The following TTLL7 variants were observed in gnomAD, a reference collection of about 807,000 sequenced individuals.
The protein encoded by TTLL7 is tubulin polyglutamylase TTLL7.
Under a neutral mutation model 120.2 loss-of-function variants are expected in TTLL7, and 53 were observed. The observed-to-expected ratio is 0.44, with a 90% confidence interval of 0.35 to 0.55. The LOEUF (loss-of-function observed/expected upper bound fraction) is 0.55. TTLL7 is among the 20% of genes least tolerant of loss of function. The pLI, the probability that TTLL7 is intolerant of heterozygous loss-of-function variation, is 0.00. For synonymous variants in TTLL7, 353 were observed against 351.7 expected (o/e 1.00, Z -0.04); for missense variants, 803 against 1,054.7 (o/e 0.76, Z 3.31).
Position 83,921,262 on chromosome 1 carries a change from C to T in TTLL7, c.1275G>A (p.Arg425=), listed in dbSNP as rs778438836. The part of the protein sequence containing the change: ...DWEQQRHQLE[R]RKEELKERLA... ...ACTTTCATACCAACTCTTCTTTCCG[C>T]CTCTCCAACTGGTGTCTCTGCTGTT... is the stretch of plus-strand genomic sequence containing the variant. The change falls in exon 11 of 21, where the codon AGG becomes AGA. Residue 425 remains arginine (R), a synonymous_variant. Coordinates refer to ENST00000260505, the MANE Select transcript of TTLL7 (RefSeq NM_024686.6). The T allele has an allele frequency of 1.2e-6, 2 of 1,612,498 alleles. No individual in the cohort carries two copies. Among genetic ancestry groups the T allele is most frequent in the Admixed American group, 3.4e-5 (2 of 59,698 alleles).
intron 18 of TTLL7, among the ~76,000 whole-genome samples, chr1:83,891,240 C>T (rs994728558): frequency 6.6e-6 from 1 of 151,384 alleles, no homozygotes; most frequent in East Asian, 1.9e-4. Context: ...ACATTAGTAT[C>T]AGGAATATAT....
intron 1 of TTLL7, chr1:83,983,965 C>T (rs982648625): frequency 6.6e-6 from 1 of 152,112 alleles, no homozygotes; most frequent in African/African-American, 2.4e-5. Flanking sequence ...GTGGTGTGCA[C>T]CTTTAGTCCT....
rs1289399334 is a variant in TTLL7, at chr1:83,973,462, ATTG to A, written c.-176-21078_-176-21076del. The stretch of plus-strand genomic sequence containing the variant: ...CTTTTGCCAATACCATACTGTTTCA[ATTG>A]TTGTAGTTTTATAGTAAGTCTTAAA... On this transcript the variant is annotated intron_variant, in intron 1 of 20. Coordinates refer to ENST00000260505, the MANE Select transcript of TTLL7 (RefSeq NM_024686.6). Among the ~76,000 whole-genome samples, 3 of 152,032 alleles carry A rather than the reference ATTG, an allele frequency of 2.0e-5. No individual in the cohort carries two copies. In the East Asian group the frequency reaches 5.8e-4, roughly 29 times the overall value.
At chr1:83,927,388 A>C (rs1357803068) in intron 10 of TTLL7, among the ~76,000 whole-genome samples, 2 of 152,186 alleles carry the variant, frequency 1.3e-5, no homozygotes, top group Non-Finnish European at 2.9e-5. Flanking sequence ...CCAAGAAAGG[A>C]AAGATTCATT....
intron 10 of TTLL7, among the ~76,000 whole-genome samples, chr1:83,923,793 C>T (rs1658885001): frequency 6.6e-6 from 1 of 152,158 alleles, no homozygotes; most frequent in South Asian, 2.1e-4. Flanking sequence ...CCAAAAAGAT[C>T]ACCATTCATT....
intron 15 of TTLL7, among the ~76,000 whole-genome samples, chr1:83,910,258 C>T (rs1657564367): frequency 6.6e-6 from 1 of 152,100 alleles, no homozygotes; most frequent in South Asian, 2.1e-4. Context: ...ATATTAAATA[C>T]ATTGCTGACG....
intron 7 of TTLL7, among the ~76,000 whole-genome samples, chr1:83,940,273 AAT>A (rs2100837710): frequency 6.6e-6 from 1 of 152,264 alleles, no homozygotes; most frequent in South Asian, 2.1e-4. Context: ...TATTCTTTCC[AAT>A]ACTATAAAAA....
chr1:83,969,972 T>A (rs926311471), intron 1 of TTLL7, among the ~76,000 whole-genome samples: 3 of 152,006 alleles, frequency 2.0e-5, no homozygotes, highest in Non-Finnish European at 4.4e-5. Context: ...ATGCCTAAAT[T>A]AGGATATTAT....
At chr1:83,948,184 A>ACAC (rs1648695209) in intron 5 of TTLL7, among the ~76,000 whole-genome samples, 1 of 147,370 alleles carries the variant, frequency 6.8e-6, no homozygotes, top group Non-Finnish European at 1.5e-5. Flanking sequence ...GACACACACA[A>ACAC]ACACACACAC....
At chr1:83,911,777 CAATA>C (rs1657696153) in intron 14 of TTLL7, among the ~76,000 whole-genome samples, 1 of 151,606 alleles carries the variant, frequency 6.6e-6, no homozygotes, top group Non-Finnish European at 1.5e-5. Flanking sequence ...CAGAGTTACT[CAATA>C]AATGTGTATG....
At chr1:83,927,630 A>C (rs572447880) in intron 10 of TTLL7, among the ~76,000 whole-genome samples, 1 of 152,296 alleles carries the variant, frequency 6.6e-6, no homozygotes, top group Admixed American at 6.5e-5. Flanking sequence ...ATGTTGGTAA[A>C]CAGAATTCTA....
At chr1:83,898,485 C>T (rs887865448) in intron 18 of TTLL7, among the ~76,000 whole-genome samples, 5 of 151,992 alleles carry the variant, frequency 3.3e-5, no homozygotes, top group African/African-American at 1.2e-4. Context: ...TCCATACTGT[C>T]TCATGAGATG....
chr1:83,906,056 T>A (rs1657174487), intron 17 of TTLL7, among the ~76,000 whole-genome samples: 1 of 152,076 alleles, frequency 6.6e-6, no homozygotes, highest in South Asian at 2.1e-4. Flanking sequence ...TTAACACTAA[T>A]TATTCTGACT....
intron 18 of TTLL7, among the ~76,000 whole-genome samples, chr1:83,894,284 T>C (rs185652988): frequency 5.3e-5 from 8 of 152,246 alleles, no homozygotes; most frequent in Admixed American, 5.2e-4. Flanking sequence ...ATATGAGTTA[T>C]ATAAAAATAA....
At position 83,871,650 on chromosome 1, in the gene TTLL7, C is replaced by T. The variant is rs543362247; in HGVS notation, c.2544-1568G>A. 4.9e-4 allele frequency among the ~76,000 whole-genome samples: 74 copies of T among 152,170 alleles called. 1 individual carries two copies. The highest frequency in any genetic ancestry group is 1.7e-3 in the African/African-American group (69 of 41,518). On this transcript the variant is annotated intron_variant, in intron 20 of 20. Transcript: ENST00000260505. The stretch of plus-strand genomic sequence containing the variant: ...GTGGCTCACGCCTGTAATCCCAGCA[C>T]TTTGGGAGGCCGAGACGGGCGGATC...
intron 1 of TTLL7, among the ~76,000 whole-genome samples, chr1:83,988,506 T>C (rs894547998): frequency 6.6e-6 from 1 of 152,238 alleles, no homozygotes; most frequent in African/African-American, 2.4e-5. Flanking sequence ...TCACCAGTAG[T>C]GTATAAGCGT....
intron 20 of TTLL7, chr1:83,882,724 A>G (rs531235445): frequency 1.8e-5 from 7 of 390,516 alleles, no homozygotes; most frequent in Non-Finnish European, 3.2e-5. Context: ...TATAAGTCAA[A>G]TAACTTCATT....
intron 1 of TTLL7, among the ~76,000 whole-genome samples, chr1:83,959,420 C>A (rs1292431314): frequency 1.3e-5 from 2 of 152,238 alleles, no homozygotes; most frequent in Non-Finnish European, 2.9e-5. Context: ...CAAGTAATGA[C>A]TGGAGGAGAA....
chr1:83,997,055 A>AC (rs1653547228), intron 1 of TTLL7, among the ~76,000 whole-genome samples: 4 of 152,024 alleles, frequency 2.6e-5, no homozygotes, highest in Admixed American at 2.6e-4. Flanking sequence ...TCTTCACAAG[A>AC]CCCCACTTCT....
Sources: allele counts gnomAD v4.1 joint callset (sites outside exome capture counted in the v4.1 genomes callset), GRCh38; gene constraint gnomAD v4.1.1; transcripts MANE v1.5; gene names NCBI Gene and HGNC (gene_info 2026-07-23, HGNC 2026-07-21).